The following RNF123 variants were observed in gnomAD, a reference collection of about 807,000 sequenced individuals.
RNF123 encodes ring finger protein 123, also known as E3 ubiquitin-protein ligase RNF123.
In RNF123, 86 loss-of-function variants were observed where a neutral mutation model predicts 168.5. That is an observed-to-expected ratio of 0.51 (90% CI 0.43 to 0.61). RNF123 has a LOEUF of 0.61. RNF123 is among the 20% of genes least tolerant of loss of function. The probability of loss-of-function intolerance (pLI) is 0.00; values close to 1 mark genes in which losing one functional copy is unlikely to be tolerated. For missense variants in RNF123, 1,419 were observed against 1,729.7 expected (o/e 0.82, Z 3.19); for synonymous variants, 666 against 689.1 (o/e 0.97, Z 0.52).
At position 49,701,866 on chromosome 3, in the gene RNF123, G is replaced by A. The variant is rs1342578582; in HGVS notation, c.1451G>A (p.Arg484Gln). 23 of 1,569,458 alleles carry A rather than the reference G, an allele frequency of 1.5e-5. No homozygotes were observed. The Admixed American group carries it at 2.1e-4, about 15-fold the overall frequency. The change falls in exon 17 of 39, where the codon CGA becomes CAA. Residue 484 changes from arginine to glutamine, a missense_variant. Coordinates refer to ENST00000327697, the MANE Select transcript of RNF123 (RefSeq NM_022064.5). ...ACCGCAGAGGAGCGGCTGCGGCGGC[G>A]AGCCTACGAACGGGGCTGTCAGCGG... ...EETAEERLRRRAYERGCQRLR... is the reference protein window; with the variant it reads ...EETAEERLRRQAYERGCQRLR...
At chr3:49,711,471 T>C (rs1381764081) in intron 26 of RNF123, among the ~76,000 whole-genome samples, 2 of 152,138 alleles carry the variant, frequency 1.3e-5, no homozygotes, top group East Asian at 3.8e-4. Context: ...ATACCTTAGC[T>C]CTGATGGGGC....
chr3:49,711,558 C>T (rs906903940), intron 26 of RNF123, among the ~76,000 whole-genome samples: 1 of 152,174 alleles, frequency 6.6e-6, no homozygotes, highest in Non-Finnish European at 1.5e-5. Flanking sequence ...AGGTTTGCGC[C>T]TAGGCCCTCC....
intron 31 of RNF123, among the ~76,000 whole-genome samples, chr3:49,714,944 A>C (rs1462666162): frequency 2.0e-5 from 3 of 152,238 alleles, no homozygotes; most frequent in Admixed American, 6.5e-5. Flanking sequence ...TCCTGCGTCC[A>C]GGGCGGAACT....
intron 25 of RNF123, among the ~76,000 whole-genome samples, chr3:49,706,294 A>T (rs1454062718): frequency 6.6e-6 from 1 of 151,864 alleles, no homozygotes; most frequent in African/African-American, 2.4e-5. Flanking sequence ...AAGCACACCC[A>T]CTCTCCTCAT....
At chr3:49,692,974 C>T (rs1404508884) in intron 3 of RNF123, among the ~76,000 whole-genome samples, 8 of 151,634 alleles carry the variant, frequency 5.3e-5, no homozygotes, top group Admixed American at 1.3e-4. Context: ...GATTTCCCTT[C>T]TTTCAGGTAT....
At chr3:49,720,208 C>G (rs1353607928) in intron 35 of RNF123, 1 of 206,036 alleles carries the variant, frequency 4.9e-6, no homozygotes, top group Admixed American at 5.7e-5. Flanking sequence ...TCCAGCTACT[C>G]GGGAGGCTAA....
rs762106504 is a variant in RNF123 at position 49,697,377 on chromosome 3, C to A, written c.262C>A (p.Arg88=). The A allele has an allele frequency of 6.2e-7, 1 of 1,607,494 alleles. No individual in the cohort carries two copies. Among genetic ancestry groups the A allele is most frequent in the African/African-American group, 1.3e-5 (1 of 74,794 alleles). The change falls in exon 5 of 39, where the codon CGG becomes AGG. Residue 88 remains arginine (R), a synonymous_variant. Transcript: ENST00000327697. ...CCTCTTTTCAGGACAGGTTGAAGGG[C>A]GGCTTGGCCCATCCACTGTGGTCCT... ...EEESQGQVEG[R]LGPSTVVLDH...
In RNF123 at chr3:49,707,970, G is replaced by GT. The variant is rs1367535773; in HGVS notation, c.2496+1080dup. 1.1e-4 allele frequency among the ~76,000 whole-genome samples: 16 copies of GT among 151,662 alleles called. No homozygotes were observed. In the South Asian group the frequency reaches 1.9e-3, roughly 18 times the overall value. On this transcript the variant is annotated intron_variant, in intron 26 of 38. Transcript: ENST00000327697. ...ACATAAAATGTACCATCCTAGCTGT[G>GT]TTTTTTTTGTTTTGTTTTGTTTTGT... is the stretch of plus-strand genomic sequence containing the variant.
chr3:49,700,287 G>A lies in RNF123; in HGVS notation c.1045G>A (p.Gly349Ser), dbSNP rs536656209. Reference protein sequence around the residue: ...MSFLLGIVEKGTPTQAQSVVH... With the variant: ...MSFLLGIVEKSTPTQAQSVVH... Reference sequence around the variant, plus strand: ...CTTCTTGCTGGGCATCGTGGAGAAGGGCACACCCACACAGGCACAGTCCGT... The same window carrying A: ...CTTCTTGCTGGGCATCGTGGAGAAGAGCACACCCACACAGGCACAGTCCGT... The change falls in exon 13 of 39, where the codon GGC (glycine) becomes AGC (serine). Residue 349 changes from glycine to serine, a missense_variant. Physicochemically the swap from Gly to Ser is moderately conservative, Grantham distance 56 (BLOSUM62 0). Coordinates refer to ENST00000327697, the MANE Select transcript of RNF123 (RefSeq NM_022064.5). The A allele has an allele frequency of 6.2e-7, 1 of 1,614,234 alleles. No homozygotes were observed.
At chr3:49,717,965 G>C (rs1221261987) in intron 35 of RNF123, 1 of 1,612,562 alleles carries the variant, frequency 6.2e-7, no homozygotes, top group Non-Finnish European at 8.5e-7. Flanking sequence ...GTTGTCATGG[G>C]ACCCTCGGAG....
chr3:49,720,310 G>A (rs1411207189), intron 35 of RNF123: 4 of 427,846 alleles, frequency 9.3e-6, no homozygotes, highest in African/African-American at 4.1e-5. Flanking sequence ...AGCGAGACTC[G>A]TCTCAAGAAA....
At position 49,718,072 on chromosome 3, in the gene RNF123, T is replaced by C. The variant is rs770472787; in HGVS notation, c.3500+1595T>C. 13 of 1,613,498 alleles carry C rather than the reference T, an allele frequency of 8.1e-6. No individual in the cohort carries two copies. The highest frequency in any genetic ancestry group is 4.5e-5 in the East Asian group (2 of 44,890). ...AGCTACTGCCAGCTGCACGCGGCCA[T>C]TGAGGCCCCTCCGGCCTGGCTCCAG... On this transcript the variant is annotated intron_variant, in intron 35 of 38. Coordinates refer to ENST00000327697, the MANE Select transcript of RNF123 (RefSeq NM_022064.5).
rs1221536198 is a variant in RNF123 at position 49,698,787 on chromosome 3, G to C, written c.603G>C (p.Leu201=). 1.9e-6 allele frequency: 3 copies of C among 1,613,854 alleles called. No homozygotes were observed. In the Admixed American group the frequency reaches 5.0e-5, roughly 27 times the overall value. The change falls in exon 9 of 39, where the codon CTG becomes CTC. Residue 201 remains leucine (L), a synonymous_variant. Coordinates refer to ENST00000327697, the MANE Select transcript of RNF123 (RefSeq NM_022064.5). ...AWAAGDIVSC[L]IDLDDGTLSF... ...CAGCGGGGGACATCGTGAGCTGCCT[G>C]ATTGACCTGGATGATGGCACTCTGT...
chr3:49,719,780 C>G (rs759850234), intron 35 of RNF123: 2 of 315,066 alleles, frequency 6.3e-6, no homozygotes, highest in Non-Finnish European at 6.2e-6. Context: ...GGCTACATCC[C>G]TTTGTGCCCA....
Position 49,698,943 on chromosome 3 carries a change from G to T in RNF123, c.639-37G>T, listed in dbSNP as rs774956427. On this transcript the variant is annotated intron_variant, in intron 9 of 38. Transcript: ENST00000327697. The stretch of plus-strand genomic sequence containing the variant: ...ATAGCCTGAGGGTGGGCAGCCACAT[G>T]CTTAGCACTGGCTCACAGACCCACC... 2.5e-6 allele frequency: 4 copies of T among 1,612,076 alleles called. No homozygotes were observed. The South Asian group carries it at 4.4e-5, about 18-fold the overall frequency.
At position 49,698,487 on chromosome 3, in the gene RNF123, C is replaced by T. The variant is rs140652730; in HGVS notation, c.531C>T (p.Arg177=). Reference sequence around the variant, plus strand: ...ACTCCTATGCCTATGATGGCAACCGCGTGCGCAAGTGGAATGTGACCACAA... The same window carrying T: ...ACTCCTATGCCTATGATGGCAACCGTGTGCGCAAGTGGAATGTGACCACAA... The part of the protein sequence containing the change: ...THNSYAYDGN[R]VRKWNVTTTN... Residue 177 remains arginine, a synonymous_variant, in exon 8 of 39, where the codon CGC becomes CGT. Coordinates refer to ENST00000327697, the MANE Select transcript of RNF123 (RefSeq NM_022064.5). The T allele has an allele frequency of 3.9e-5, 63 of 1,613,878 alleles. No homozygotes were observed. The highest frequency in any genetic ancestry group is 4.5e-5 in the East Asian group (2 of 44,898).
Position 49,713,902 on chromosome 3 carries a change from C to T in RNF123, c.2838-8C>T. On this transcript the variant is annotated splice_polypyrimidine_tract_variant and splice_region_variant and intron_variant, in intron 29 of 38. Transcript: ENST00000327697. ...CTCACCCCGTCTCTCCCCTCCTTGC[C>T]CTCACAGGCGTATCGCCATGGTGAG... is the stretch of plus-strand genomic sequence containing the variant. The T allele has an allele frequency of 5.6e-6, 9 of 1,613,586 alleles. No homozygotes were observed. Among genetic ancestry groups the T allele is most frequent in the Non-Finnish European group, 7.6e-6 (9 of 1,179,738 alleles).
intron 35 of RNF123, 33 bp downstream of exon 35, chr3:49,716,510 G>C: frequency 6.3e-7 from 1 of 1,588,910 alleles, no homozygotes; most frequent in Non-Finnish European, 8.6e-7. Flanking sequence ...CCCTGTGGGA[G>C]TTGGGTGTGT....
chr3:49,712,900 T>C, intron 27 of RNF123: 4 of 704,234 alleles, frequency 5.7e-6, no homozygotes, highest in South Asian at 1.5e-5. Flanking sequence ...ACGGTGGGTG[T>C]AGACCTCTTG....
Sources: allele counts gnomAD v4.1 joint callset (sites outside exome capture counted in the v4.1 genomes callset), GRCh38; gene constraint gnomAD v4.1.1; transcripts MANE v1.5; gene names NCBI Gene and HGNC (gene_info 2026-07-23, HGNC 2026-07-21).